COL25A1: variants seen among roughly 807,000 people sequenced by gnomAD.
COL25A1 encodes the protein collagen type XXV alpha 1 chain.
Under a neutral mutation model 128.4 loss-of-function variants are expected in COL25A1, and 103 were observed. The observed-to-expected ratio is 0.80, with a 90% CI of 0.68 to 0.94. The LOEUF (loss-of-function observed/expected upper bound fraction) is 0.94, where lower values mean the gene tolerates loss of function less well. Among genes scored for constraint, COL25A1 ranks in the 40% least tolerant of loss-of-function variants. The pLI, the probability that COL25A1 is intolerant of heterozygous loss-of-function variation, is 0.00. For missense variants in COL25A1, 745 were observed against 840.0 expected (o/e 0.89, Z 1.40); for synonymous variants, 279 against 277.2 (o/e 1.01, Z -0.06).
intron 6 of COL25A1, among the ~76,000 whole-genome samples, chr4:108,986,770 G>A (rs1326555961): frequency 6.6e-6 from 1 of 152,152 alleles, no homozygotes; most frequent in African/African-American, 2.4e-5. Flanking sequence ...AATATGGACT[G>A]AGTGTTGATA....
intron 6 of COL25A1, among the ~76,000 whole-genome samples, chr4:109,006,384 T>C (rs1755993500): frequency 2.7e-5 from 1 of 36,954 alleles, no homozygotes; most frequent in African/African-American, 8.9e-5. Flanking sequence ...GCTAATTTTT[T>C]TTTTTTTTTT....
chr4:108,820,575 CTAA>C (rs1424167913), intron 35 of COL25A1, among the ~76,000 whole-genome samples: 2 of 152,046 alleles, frequency 1.3e-5, no homozygotes, highest in African/African-American at 4.8e-5. Context: ...GTTAAAAGTG[CTAA>C]TACTTTGCAG....
At chr4:109,278,894 C>A (rs1364588991) in intron 3 of COL25A1, among the ~76,000 whole-genome samples, 3 of 152,130 alleles carry the variant, frequency 2.0e-5, no homozygotes, top group Admixed American at 6.5e-5. Flanking sequence ...AAGGTGGCAG[C>A]AGATTCAGTG....
At chr4:109,140,532 C>T (rs1469668038) in intron 3 of COL25A1, among the ~76,000 whole-genome samples, 1 of 152,144 alleles carries the variant, frequency 6.6e-6, no homozygotes, top group African/African-American at 2.4e-5. Context: ...GCAGTATGGC[C>T]ATTTTCATGA....
intron 13 of COL25A1, among the ~76,000 whole-genome samples, chr4:108,912,335 T>C (rs1744332151): frequency 6.6e-6 from 1 of 152,132 alleles, no homozygotes; most frequent in African/African-American, 2.4e-5. Context: ...AATTCTAATC[T>C]ATACAATTAT....
chr4:108,823,873 T>A (rs1732059985), intron 35 of COL25A1: 2 of 1,355,202 alleles, frequency 1.5e-6, no homozygotes, highest in Non-Finnish European at 1.9e-6. Flanking sequence ...CTTTTTAAAA[T>A]GATTTTTTTT....
intron 31 of COL25A1, among the ~76,000 whole-genome samples, chr4:108,832,994 A>C (rs192342883): frequency 6.8e-6 from 1 of 146,332 alleles, no homozygotes; most frequent in African/African-American, 2.7e-5. Flanking sequence ...TAAATAAATA[A>C]ATAAATAAAG....
intron 3 of COL25A1, among the ~76,000 whole-genome samples, chr4:109,183,982 T>C (rs1306878067): frequency 6.7e-6 from 1 of 149,644 alleles, no homozygotes; most frequent in Non-Finnish European, 1.5e-5. Context: ...CTTTCACAAC[T>C]CTCTTTGAGG....
intron 19 of COL25A1, among the ~76,000 whole-genome samples, chr4:108,876,174 A>G (rs887175556): frequency 1.3e-5 from 2 of 151,936 alleles, no homozygotes; most frequent in Non-Finnish European, 2.9e-5. Context: ...TCAAACCTGC[A>G]GGGTATGCAC....
chr4:109,011,421 A>G (rs533267610), intron 5 of COL25A1, among the ~76,000 whole-genome samples: 2 of 108,804 alleles, frequency 1.8e-5, no homozygotes, highest in South Asian at 5.5e-4. Context: ...CTGAAAATGT[A>G]GTTGGCAGGT....
At chr4:108,982,388 A>T (rs1208548029) in intron 6 of COL25A1, among the ~76,000 whole-genome samples, 1 of 152,224 alleles carries the variant, frequency 6.6e-6, no homozygotes, top group East Asian at 1.9e-4. Context: ...TTTTAACCAC[A>T]TTACTTTTAT....
chr4:109,220,343 T>C (rs1288449215), intron 3 of COL25A1, among the ~76,000 whole-genome samples: 1 of 152,212 alleles, frequency 6.6e-6, no homozygotes, highest in Non-Finnish European at 1.5e-5. Context: ...CTTCAGGTAC[T>C]TGTGGTTTAT....
chr4:109,201,233 T>A (rs1438972127), intron 3 of COL25A1, among the ~76,000 whole-genome samples: 2 of 152,146 alleles, frequency 1.3e-5, no homozygotes, highest in Non-Finnish European at 2.9e-5. Flanking sequence ...TAATTTATGA[T>A]AAAGAATAGA....
chr4:108,959,910 A>G (rs779021901), intron 8 of COL25A1, among the ~76,000 whole-genome samples: 4 of 152,140 alleles, frequency 2.6e-5, no homozygotes, highest in Non-Finnish European at 4.4e-5. Flanking sequence ...AGATCTCCAG[A>G]TATTCCCCTC....
At chr4:109,212,082 G>A (rs1250395011) in intron 3 of COL25A1, among the ~76,000 whole-genome samples, 1 of 152,068 alleles carries the variant, frequency 6.6e-6, no homozygotes, top group African/African-American at 2.4e-5. Flanking sequence ...AGGGCATTAA[G>A]AATTGGAAGA....
intron 3 of COL25A1, among the ~76,000 whole-genome samples, chr4:109,267,385 A>G (rs536877552): frequency 6.6e-6 from 1 of 152,304 alleles, no homozygotes; most frequent in Non-Finnish European, 1.5e-5. Flanking sequence ...AATCCAAAAC[A>G]TTAAATGTTC....
In COL25A1 at chr4:109,230,481, T is replaced by C. The variant is rs529267047; in HGVS notation, c.367+70102A>G. Among the ~76,000 whole-genome samples the C allele has an allele frequency of 3.9e-5, 6 of 152,334 alleles. No individual in the cohort carries two copies. In the South Asian group the frequency reaches 1.2e-3, roughly 32 times the overall value. ...TTGTGACAATCAACAGTTGCTGTAT[T>C]TTATTAAAAATGTATAATGTGGCCT... is the stretch of plus-strand genomic sequence containing the variant. On this transcript the variant is annotated intron_variant, in intron 3 of 37. Transcript: ENST00000399132.
intron 3 of COL25A1, among the ~76,000 whole-genome samples, chr4:109,155,865 T>C (rs1019056426): frequency 3.3e-5 from 5 of 152,146 alleles, no homozygotes; most frequent in African/African-American, 1.2e-4. Flanking sequence ...AACTGAATCA[T>C]AGCAAACAAA....
chr4:109,145,137 G>C (rs1368266446), intron 3 of COL25A1, among the ~76,000 whole-genome samples: 1 of 148,132 alleles, frequency 6.8e-6, no homozygotes, highest in Admixed American at 6.8e-5. Context: ...GGCGCAATCT[G>C]GGCTCCTGCA....
Sources: gnomAD v4.1 joint callset for allele counts (sites outside exome capture counted in the v4.1 genomes callset) on GRCh38, gnomAD v4.1.1 for gene constraint, MANE v1.5 for transcripts, NCBI Gene and HGNC (gene_info 2026-07-23, HGNC 2026-07-21) for gene names.